OAF: variants seen among roughly 807,000 people sequenced by gnomAD.
OAF encodes the protein out at first protein homolog.
In OAF, 13 loss-of-function variants were observed where a neutral mutation model predicts 22.5. The ratio of observed to expected loss-of-function variants is 0.58; its 90% CI spans 0.38 to 0.92. The LOEUF is 0.92. Among genes scored for constraint, OAF ranks in the 40% least tolerant of loss-of-function variants. The pLI, the probability that OAF is intolerant of heterozygous loss-of-function variation, is 0.00. For synonymous variants in OAF, 175 were observed against 170.5 expected (o/e 1.03, Z -0.21); for missense variants, 347 against 381.8 (o/e 0.91, Z 0.76).
chr11:120,212,396 G>T (rs995816264), intron 1 of OAF, among the ~76,000 whole-genome samples: 1 of 152,044 alleles, frequency 6.6e-6, no homozygotes, highest in African/African-American at 2.4e-5. Flanking sequence ...GGATTATCAG[G>T]AAATGGGCCT....
At chr11:120,217,830 C>T (rs990448481) in intron 1 of OAF, among the ~76,000 whole-genome samples, 9 of 152,316 alleles carry the variant, frequency 5.9e-5, no homozygotes, top group African/African-American at 1.9e-4. Flanking sequence ...CTTGGATGTC[C>T]GTCTACCCCA....
chr11:120,211,498 C>T lies in OAF; in HGVS notation c.219C>T (p.Ala73=), dbSNP rs759895319. The T allele has an allele frequency of 1.8e-5, 27 of 1,468,052 alleles. No individual in the cohort carries two copies. Among genetic ancestry groups the T allele is most frequent in the Non-Finnish European group, 2.4e-5 (26 of 1,103,314 alleles). The allele number at this position is 1,468,052 out of a possible 1,614,324, so 90.9% of individuals were successfully genotyped here. Residue 73 remains alanine (A), a synonymous_variant, in exon 1 of 4, where the codon GCC becomes GCT. Coordinates refer to ENST00000328965, the MANE Select transcript of OAF (RefSeq NM_178507.4). ...ACGGCACCCTCGTCTCCTTCACCGC[C>T]GACTTCAAGAAGGTGAGGCGCCCTC... ...KPDGTLVSFT[A]DFKKDVKVFR... is the part of the protein sequence containing the mutation.
At chr11:120,227,396 G>T (rs565830533) in intron 3 of OAF, among the ~76,000 whole-genome samples, 1 of 152,122 alleles carries the variant, frequency 6.6e-6, no homozygotes, top group Non-Finnish European at 1.5e-5. Context: ...TCCAGGCAGG[G>T]CACACAGACT....
chr11:120,211,536 G>A, intron 1 of OAF, 26 bp downstream of exon 1: 2 of 1,425,764 alleles, frequency 1.4e-6, no homozygotes, highest in South Asian at 1.5e-5. Flanking sequence ...TCGCCGGGGT[G>A]GCACCTTCAA....
intron 2 of OAF, among the ~76,000 whole-genome samples, chr11:120,226,589 G>T (rs983687832): frequency 6.6e-6 from 1 of 152,250 alleles, no homozygotes; most frequent in South Asian, 2.1e-4. Flanking sequence ...CCAGTGGCCA[G>T]CACATAGTTT....
At chr11:120,225,544 G>A in intron 1 of OAF, 117 bp from the exon 2 acceptor site, 1 of 795,486 alleles carries the variant, frequency 1.3e-6, no homozygotes, top group Non-Finnish European at 1.9e-6. Context: ...CAGGAGGGAG[G>A]TGTCTGTTGC....
chr11:120,223,983 G>T (rs1350355161), intron 1 of OAF, among the ~76,000 whole-genome samples: 1 of 152,222 alleles, frequency 6.6e-6, no homozygotes, highest in Non-Finnish European at 1.5e-5. Flanking sequence ...GCCGACCTGA[G>T]TGAGGGGAAG....
Position 120,211,440 on chromosome 11 carries a change from C to A in OAF, c.161C>A (p.Ala54Glu). ...GAGAGCCTGCAGGCGGACAGCGACG[C>A]GGACAGCATCAGCCTCGAGCTGCGC... ...TEESLQADSD[A>E]DSISLELRKP... is the part of the protein sequence containing the mutation. The change falls in exon 1 of 4, where the codon GCG becomes GAG. Residue 54 changes from alanine to glutamate, a missense_variant. Ala to Glu is a moderately radical substitution (Grantham distance 107, BLOSUM62 -1). Coordinates refer to ENST00000328965, the MANE Select transcript of OAF (RefSeq NM_178507.4). 1 of 1,565,066 alleles carries A rather than the reference C, an allele frequency of 6.4e-7. No individual in the cohort carries two copies. The highest frequency in any genetic ancestry group is 1.2e-5 in the South Asian group (1 of 85,472).
intron 3 of OAF, among the ~76,000 whole-genome samples, chr11:120,227,571 G>A (rs190054431): frequency 5.3e-4 from 80 of 152,284 alleles, no homozygotes; most frequent in Middle Eastern, 6.8e-3. Context: ...CCTGGTGCCA[G>A]CATCTCTGCC....
At position 120,229,367 on chromosome 11, in the gene OAF, G is replaced by GTTGT; in HGVS notation, c.*225_*226insTTGT. ...TTCCCACCCTGTGCCTTCCTTGCGG[G>GTTGT]CAGAGAGGGAGAGAAGGGCTCCCCA... On this transcript the variant is annotated 3_prime_UTR_variant, in exon 4 of 4. Transcript: ENST00000328965. 9.0e-6 allele frequency: 3 copies of GTTGT among 331,630 alleles called. No homozygotes were observed. The highest frequency in any genetic ancestry group is 1.5e-5 in the Non-Finnish European group (3 of 194,178). 20.5% of individuals were successfully genotyped at this position (331,630 alleles called of 1,614,324 possible). A position where few individuals can be genotyped will look rare whatever the true frequency, so the allele number is the denominator to read the frequency against.
At chr11:120,211,589 C>G in intron 1 of OAF, 79 bp downstream of exon 1, 2 of 1,027,900 alleles carry the variant, frequency 1.9e-6, no homozygotes, top group African/African-American at 1.7e-5. Context: ...TGCCTGCAGA[C>G]GGAAAGACGG....
Position 120,225,735 on chromosome 11 carries a change from T to C in OAF, c.306T>C (p.Phe102=), listed in dbSNP as rs1403589703. 6 of 1,606,144 alleles carry C rather than the reference T, an allele frequency of 3.7e-6. No individual in the cohort carries two copies. In the Admixed American group the frequency reaches 6.8e-5, roughly 18 times the overall value. The change falls in exon 2 of 4, where the codon TTT becomes TTC. Residue 102 remains phenylalanine (F), a synonymous_variant. Coordinates refer to ENST00000328965, the MANE Select transcript of OAF (RefSeq NM_178507.4). ...AGAGTCAGTTCCAGGCCCTCTGCTT[T>C]GTCACCCAGCTGCAGCACAATGAGA... ...KGQSQFQALC[F]VTQLQHNEII... is the part of the protein sequence containing the mutation.
rs992107239 is a variant in OAF at position 120,211,256 on chromosome 11, CGCGGACGGCAGCGGCCCCCGGGGAT to C, written c.-20_5del. ...CCGCCCCCACGCGGCGCGCCGGGGC[CGCGGACGGCAGCGGCCCCCGGGGAT>C]GCGCCTTCCCGGGGTACCCCTGGCG... On this transcript the variant is annotated start_lost and 5_prime_UTR_variant, in exon 1 of 4. Transcript: ENST00000328965. 3 of 1,186,450 alleles carry C rather than the reference CGCGGACGGCAGCGGCCCCCGGGGAT, an allele frequency of 2.5e-6. No homozygotes were observed. The African/African-American group carries it at 4.8e-5, about 19-fold the overall frequency. 73.5% of individuals were successfully genotyped at this position (1,186,450 alleles called of 1,614,324 possible).
intron 1 of OAF, among the ~76,000 whole-genome samples, chr11:120,215,555 T>C (rs896942250): frequency 1.3e-5 from 2 of 152,214 alleles, no homozygotes; most frequent in Non-Finnish European, 2.9e-5. Flanking sequence ...GTGCCCTCAG[T>C]ACACAAACTA....
intron 1 of OAF, among the ~76,000 whole-genome samples, chr11:120,223,056 G>C (rs112269512): frequency 2.0e-5 from 3 of 152,208 alleles, no homozygotes; most frequent in African/African-American, 7.2e-5. Context: ...CGCCACATTC[G>C]AAGGCAGGTG....
intron 1 of OAF, among the ~76,000 whole-genome samples, chr11:120,223,826 G>A (rs1938313706): frequency 1.3e-5 from 2 of 152,206 alleles, no homozygotes; most frequent in South Asian, 4.1e-4. Flanking sequence ...CAGGGAAGTG[G>A]TTTTTGGATC....
rs1172898302 is a variant in OAF at position 120,230,026 on chromosome 11, C to A, written c.*884C>A. On this transcript the variant is annotated 3_prime_UTR_variant, in exon 4 of 4. Coordinates refer to ENST00000328965, the MANE Select transcript of OAF (RefSeq NM_178507.4). ...AGTGTCCCCACACCCTAGCAGTGGC[C>A]TATCTTGGAACAAGAACTTCGAAAG... 3 of 152,234 alleles carry A rather than the reference C, an allele frequency of 2.0e-5. No individual in the cohort carries two copies. The highest frequency in any genetic ancestry group is 7.2e-5 in the African/African-American group (3 of 41,442). 9.4% of individuals were successfully genotyped at this position (152,234 alleles called of 1,614,324 possible).
intron 1 of OAF, among the ~76,000 whole-genome samples, chr11:120,225,042 T>G (rs1938332629): frequency 6.6e-6 from 1 of 151,908 alleles, no homozygotes; most frequent in Non-Finnish European, 1.5e-5. Flanking sequence ...AAAGGGGAAG[T>G]GGGGAGGGAA....
chr11:120,215,055 G>T (rs1378807165), intron 1 of OAF, among the ~76,000 whole-genome samples: 2 of 152,180 alleles, frequency 1.3e-5, no homozygotes, highest in African/African-American at 4.8e-5. Flanking sequence ...AGTCGTTTTG[G>T]TTTTGTTTTT....
Sources: gnomAD v4.1 joint callset for allele counts (sites outside exome capture counted in the v4.1 genomes callset) on GRCh38, gnomAD v4.1.1 for gene constraint, MANE v1.5 for transcripts, NCBI Gene and HGNC (gene_info 2026-07-23, HGNC 2026-07-21) for gene names.